Variants in NF1 observed in about 807,000 individuals in gnomAD.
NF1 encodes neurofibromin.
NF1 carries 122 observed loss-of-function variants against 325.7 expected under a neutral mutation model. The observed-to-expected ratio is 0.37, with a 90% CI of 0.32 to 0.44. The LOEUF is 0.44. NF1 is among the 20% of genes least tolerant of loss of function. The pLI is 1.00. For missense variants in NF1, 2,140 were observed against 3,415.4 expected (o/e 0.63, Z 9.31); for synonymous variants, 1,091 against 1,186.0 (o/e 0.92, Z 1.65).
At chr17:31,138,105 C>T (rs879294642) in intron 1 of NF1, 1 of 151,968 alleles carries the variant, frequency 6.6e-6, no homozygotes. Context: ...TCTCTGGCAA[C>T]GTCTTCCTAT....
At chr17:31,148,289 G>C (rs1916712397) in intron 1 of NF1, among the ~76,000 whole-genome samples, 1 of 151,814 alleles carries the variant, frequency 6.6e-6, no homozygotes, top group African/African-American at 2.4e-5. Context: ...TTACACTTTT[G>C]GCCAGTGGGG....
intron 36 of NF1, chr17:31,320,616 T>A: frequency 2.1e-6 from 1 of 484,520 alleles, no homozygotes. Context: ...ATATTTCATA[T>A]TAATAGTAGG....
intron 8 of NF1, among the ~76,000 whole-genome samples, chr17:31,195,793 T>C (rs2066424865): frequency 6.6e-6 from 1 of 152,128 alleles, no homozygotes; most frequent in Non-Finnish European, 1.5e-5. Context: ...ATATATTCCA[T>C]TGTATATATA....
At chr17:31,354,439 G>C (rs2070223612) in intron 51 of NF1, among the ~76,000 whole-genome samples, 1 of 151,994 alleles carries the variant, frequency 6.6e-6, no homozygotes, top group African/African-American at 2.4e-5. Flanking sequence ...TAGGAAATGA[G>C]ATGAGAAGAA....
chr17:31,262,927 A>T (rs996420973), intron 35 of NF1, among the ~76,000 whole-genome samples: 1 of 152,186 alleles, frequency 6.6e-6, no homozygotes, highest in African/African-American at 2.4e-5. Flanking sequence ...TAATACCTAT[A>T]ACCCCAACAT....
intron 12 of NF1, among the ~76,000 whole-genome samples, chr17:31,209,105 T>G (rs2066676199): frequency 6.6e-6 from 1 of 152,100 alleles, no homozygotes; most frequent in Admixed American, 6.5e-5. Context: ...ACCCACTAGA[T>G]GCCAATATTC....
intron 51 of NF1, among the ~76,000 whole-genome samples, chr17:31,355,648 G>A (rs2070253074): frequency 6.6e-6 from 1 of 152,124 alleles, no homozygotes; most frequent in African/African-American, 2.4e-5. Flanking sequence ...CCAGGAGTTC[G>A]AGACCAGCCT....
chr17:31,330,081 A>T (rs2069442506), intron 38 of NF1, among the ~76,000 whole-genome samples: 1 of 152,134 alleles, frequency 6.6e-6, no homozygotes, highest in South Asian at 2.1e-4. Context: ...TCTTATGGTT[A>T]TATCAAGTGT....
At position 31,336,784 on chromosome 17, in the gene NF1, T is replaced by C. The variant is rs751517473; in HGVS notation, c.6297T>C (p.His2099=). 5 of 1,614,030 alleles carry C rather than the reference T, an allele frequency of 3.1e-6. No homozygotes were observed. Among genetic ancestry groups the C allele is most frequent in the Non-Finnish European group, 4.2e-6 (5 of 1,180,038 alleles). Residue 2099 remains histidine, a synonymous_variant, in exon 42 of 58, where the codon CAT becomes CAC. Coordinates refer to ENST00000358273, the MANE Select transcript of NF1 (RefSeq NM_001042492.3). This position sits in a 1 kb window ranked among gnomAD's most constrained non-coding sequence, Gnocchi z 5.5. ...ACAATTCCCTTGATGTGGCAGCTCA[T>C]CTTCCCTACCTCTTCCACGTTGTTA... ...SFNNSLDVAA[H]LPYLFHVVTF... is the part of the protein sequence containing the mutation.
chr17:31,191,645 A>AG (rs1246936024), intron 8 of NF1, among the ~76,000 whole-genome samples: 1 of 152,212 alleles, frequency 6.6e-6, no homozygotes. Context: ...AAGGAGCAGT[A>AG]GGGGATTGAT....
chr17:31,296,107 G>A (rs371171953), intron 36 of NF1: 6 of 1,611,844 alleles, frequency 3.7e-6, no homozygotes, highest in Non-Finnish European at 5.1e-6. Context: ...TGGTATATTG[G>A]GTTAACTGGT....
chr17:31,296,276 G>A (rs1401096672), intron 36 of NF1: 2 of 1,614,036 alleles, frequency 1.2e-6, no homozygotes, highest in Non-Finnish European at 1.7e-6. Context: ...AATACCAGGT[G>A]TGAGAAACAG....
intron 29 of NF1, among the ~76,000 whole-genome samples, chr17:31,244,384 C>A (rs1314097907): frequency 1.3e-5 from 2 of 152,068 alleles, no homozygotes. Context: ...CCAGGACTTA[C>A]CCAGAAACTG....
chr17:31,255,699 T>G (rs1317614997), intron 31 of NF1, among the ~76,000 whole-genome samples: 1 of 152,218 alleles, frequency 6.6e-6, no homozygotes, highest in Non-Finnish European at 1.5e-5. Context: ...CATTAAATTC[T>G]GAGGCTGAGT....
chr17:31,367,689 T>G (rs1267250479), intron 57 of NF1, among the ~76,000 whole-genome samples: 1 of 152,120 alleles, frequency 6.6e-6, no homozygotes, highest in Non-Finnish European at 1.5e-5. Context: ...TGGCTGTCTA[T>G]TCAATCACCT....
intron 5 of NF1, among the ~76,000 whole-genome samples, chr17:31,174,586 C>A (rs2065986086): frequency 6.6e-6 from 1 of 152,014 alleles, no homozygotes; most frequent in African/African-American, 2.4e-5. Context: ...ATTAAATAAC[C>A]AGTCACTTAA....
chr17:31,242,670 T>C (rs2067320814), intron 29 of NF1, among the ~76,000 whole-genome samples: 1 of 152,242 alleles, frequency 6.6e-6, no homozygotes, highest in African/African-American at 2.4e-5. Context: ...TAAATTTATC[T>C]GATAGGATTC....
At chr17:31,318,879 T>A (rs2069100978) in intron 36 of NF1, 1 of 1,613,994 alleles carries the variant, frequency 6.2e-7, no homozygotes, top group Non-Finnish European at 8.5e-7. Flanking sequence ...TTTGAATAAC[T>A]GAATCCCAGG....
rs2143625630 is a variant in NF1 at position 31,156,015 on chromosome 17, T to C, written c.93T>C (p.His31=). The change falls in exon 2 of 58, where the codon CAT becomes CAC. Residue 31 remains histidine (H), a synonymous_variant. Transcript: ENST00000358273. The part of the protein sequence containing the change: ...LPIKTGQQNT[H]TKVSTEHNKE... Reference sequence around the variant, plus strand: ...TAAAAACAGGACAGCAGAACACACATACCAAAGTCAGTACTGAGCACAACA... The same window carrying C: ...TAAAAACAGGACAGCAGAACACACACACCAAAGTCAGTACTGAGCACAACA... 6.2e-7 allele frequency: 1 copy of C among 1,609,944 alleles called. No homozygotes were observed.
Sources: allele counts gnomAD v4.1 joint callset (sites outside exome capture counted in the v4.1 genomes callset), GRCh38; gene constraint gnomAD v4.1.1; non-coding constraint Gnocchi (gnomAD v3.1); transcripts MANE v1.5; gene names NCBI Gene and HGNC (gene_info 2026-07-23, HGNC 2026-07-21).